Variants in SETX observed in about 807,000 individuals in gnomAD.
SETX encodes helicase senataxin.
Under a neutral mutation model 227.2 loss-of-function variants are expected in SETX, and 90 were observed. The observed-to-expected ratio is 0.40, with a 90% CI of 0.33 to 0.47. The LOEUF (loss-of-function observed/expected upper bound fraction) is 0.47, where lower values mean the gene tolerates loss of function less well. SETX is among the 20% of genes least tolerant of loss of function. The probability of loss-of-function intolerance (pLI) is 0.91; values close to 1 mark genes in which losing one functional copy is unlikely to be tolerated. For synonymous variants in SETX, 1,210 were observed against 1,113.2 expected (o/e 1.09, Z -1.73); for missense variants, 3,052 against 3,181.5 (o/e 0.96, Z 0.98).
rs1345262381 is a variant in SETX, at chr9:132,264,416, C to G, written c.7857G>C (p.Gln2619His). The change falls in exon 26 of 26, where the codon CAG becomes CAC. Residue 2619 changes from glutamine to histidine, a missense_variant. Coordinates refer to ENST00000224140, the MANE Select transcript of SETX (RefSeq NM_015046.7). The stretch of plus-strand genomic sequence containing the variant: ...CCTCTTCCGGGTCATCACATTTGCT[C>G]TGACACGTGGAAGCCTCGGGACTGG... Reference protein sequence around the residue: ...PAASPEASTCQSKCDDPEEEL... With the variant: ...PAASPEASTCHSKCDDPEEEL... 3.1e-6 allele frequency: 5 copies of G among 1,614,132 alleles called. No homozygotes were observed. In the Admixed American group the frequency reaches 8.3e-5, roughly 27 times the overall value.
intron 7 of SETX, among the ~76,000 whole-genome samples, chr9:132,334,083 C>A (rs896704246): frequency 1.3e-5 from 2 of 152,062 alleles, no homozygotes; most frequent in African/African-American, 4.8e-5. Flanking sequence ...CATCCTACCA[C>A]CAACTTTTTC....
At chr9:132,285,236 T>C (rs186808260) in intron 18 of SETX, among the ~76,000 whole-genome samples, 2 of 152,238 alleles carry the variant, frequency 1.3e-5, no homozygotes, top group Non-Finnish European at 2.9e-5. Context: ...TTTTGCAGTT[T>C]ATGGGAAGCA....
At chr9:132,265,033 G>C in intron 25 of SETX, 48 bp from the exon 26 acceptor site, 2 of 1,595,958 alleles carry the variant, frequency 1.3e-6, no homozygotes, top group Non-Finnish European at 1.7e-6. Flanking sequence ...AAGAGACACT[G>C]CTTGGGAAGC....
In SETX at chr9:132,329,490, T is replaced by A. The variant is rs1176841501; in HGVS notation, c.2108A>T (p.Asp703Val). The A allele has an allele frequency of 6.2e-7, 1 of 1,612,472 alleles. No individual in the cohort carries two copies. The highest frequency in any genetic ancestry group is 1.1e-5 in the South Asian group (1 of 90,978). ...CTTCCTTGTACTTATTTTAATTTGA[T>A]CTTCAGCTCTTTCAGTAAAAATGTT... ...SKNIFTERAE[D>V]QIKISTRKQK... Residue 703 changes from aspartate (D) to valine (V), a missense_variant, in exon 10 of 26, where the codon GAT (aspartate) becomes GTT (valine). Coordinates refer to ENST00000224140, the MANE Select transcript of SETX (RefSeq NM_015046.7).
chr9:132,355,770 T>C (rs915425506), upstream of SETX, among the ~76,000 whole-genome samples: 58 of 152,242 alleles, frequency 3.8e-4, no homozygotes, highest in South Asian at 1.9e-3. Flanking sequence ...GTGGATCACC[T>C]GAGGTCAGGA....
chr9:132,263,713 C>T lies in SETX; in HGVS notation c.*526G>A, dbSNP rs1046836164. 6.4e-6 allele frequency: 1 copy of T among 155,908 alleles called. No individual in the cohort carries two copies. The highest frequency in any genetic ancestry group is 2.4e-5 in the African/African-American group (1 of 41,450). 9.7% of individuals were successfully genotyped at this position (155,908 alleles called of 1,614,324 possible). A position where few individuals can be genotyped will look rare whatever the true frequency, so the allele number is the denominator to read the frequency against. ...TTTTAATAGAGCCAGAGACACCTGA[C>T]CCACCAGCACTAACTCAGCTTATTC... On this transcript the variant is annotated 3_prime_UTR_variant, in exon 26 of 26. Transcript: ENST00000224140.
intron 5 of SETX, among the ~76,000 whole-genome samples, chr9:132,339,190 A>T (rs908997838): frequency 2.6e-5 from 4 of 152,158 alleles, no homozygotes; most frequent in Admixed American, 2.6e-4. Context: ...GTTTCTATAA[A>T]ACCCTTCCTC....
chr9:132,314,002 G>A (rs149035851), intron 10 of SETX, among the ~76,000 whole-genome samples: 11 of 151,798 alleles, frequency 7.2e-5, no homozygotes, highest in East Asian at 1.9e-4. Context: ...CACCATTTCC[G>A]CTCACTGCAA....
At position 132,326,695 on chromosome 9, in the gene SETX, A is replaced by T. The variant is rs1466879487; in HGVS notation, c.4903T>A (p.Leu1635Met). 3 of 1,614,076 alleles carry T rather than the reference A, an allele frequency of 1.9e-6. No homozygotes were observed. The highest frequency in any genetic ancestry group is 2.5e-6 in the Non-Finnish European group (3 of 1,180,014). The change falls in exon 10 of 26, where the codon TTG becomes ATG. Residue 1635 changes from leucine to methionine, a missense_variant. Leu to Met is a conservative substitution (Grantham distance 15). Around this residue, in one of 10 missense-constraint regions of SETX, gnomAD observed 1,483 missense variants for 1,312.0 expected, o/e 1.13. Coordinates refer to ENST00000224140, the MANE Select transcript of SETX (RefSeq NM_015046.7). ...KNKSKGIQSI[L>M]KVPQPVPLIA... Reference sequence around the variant, plus strand: ...AGGGGAACTGGCTGTGGTACTTTCAAAATCGACTGTATCCCCTTTGACTTA... The same window carrying T: ...AGGGGAACTGGCTGTGGTACTTTCATAATCGACTGTATCCCCTTTGACTTA...
intron 19 of SETX, 94 bp downstream of exon 19, chr9:132,283,170 A>AAAAC: frequency 6.5e-7 from 1 of 1,533,698 alleles, no homozygotes. Context: ...CAAAAAAAAA[A>AAAAC]AACACATTTC....
intron 25 of SETX, 71 bp from the exon 26 acceptor site, chr9:132,265,056 C>T: frequency 6.4e-7 from 1 of 1,558,666 alleles, no homozygotes; most frequent in Non-Finnish European, 8.8e-7. Flanking sequence ...AGAGTTCCAG[C>T]TTTCATTTCT....
chr9:132,272,740 C>T (rs1026334823), intron 23 of SETX, among the ~76,000 whole-genome samples: 2 of 152,236 alleles, frequency 1.3e-5, no homozygotes, highest in African/African-American at 2.4e-5. Flanking sequence ...AATGGAATTA[C>T]AAAATGTGAT....
chr9:132,330,652 A>G (rs1847166822), intron 9 of SETX, among the ~76,000 whole-genome samples, 153 bp from the exon 10 acceptor site: 1 of 152,214 alleles, frequency 6.6e-6, no homozygotes, highest in Non-Finnish European at 1.5e-5. Context: ...TGTGGCATAT[A>G]ATTATATCAC....
At chr9:132,308,145 C>T (rs1845441081) in intron 11 of SETX, among the ~76,000 whole-genome samples, 1 of 152,146 alleles carries the variant, frequency 6.6e-6, no homozygotes, top group Admixed American at 6.6e-5. Flanking sequence ...CATTTTGCTC[C>T]CTTTAATGAA....
chr9:132,333,416 T>TATACACAC (rs779955041), intron 7 of SETX, among the ~76,000 whole-genome samples: 2 of 88,074 alleles, frequency 2.3e-5, no homozygotes, highest in African/African-American at 1.0e-4. Flanking sequence ...AAAATATATA[T>TATACACAC]ACACACACAC....
At chr9:132,307,549 T>C (rs1666027878) in intron 11 of SETX, among the ~76,000 whole-genome samples, 1 of 152,150 alleles carries the variant, frequency 6.6e-6, no homozygotes, top group Admixed American at 6.6e-5. Context: ...TTGGAACATC[T>C]TGTCATAGCA....
At chr9:132,336,958 T>C (rs1388774707) in intron 5 of SETX, among the ~76,000 whole-genome samples, 3 of 152,092 alleles carry the variant, frequency 2.0e-5, no homozygotes, top group African/African-American at 7.2e-5. Context: ...CCCAGCTACT[T>C]GGGAGGCTGA....
At position 132,264,825 on chromosome 9, in the gene SETX, C is replaced by T; in HGVS notation, c.7448G>A (p.Gly2483Glu). ...LTHPPTIAPE[G>E]SRPQGGLPSS... The stretch of plus-strand genomic sequence containing the variant: ...GGGCAAACCACCCTGGGGTCTGGAC[C>T]CCTCTGGGGCTATGGTAGGAGGGTG... The change falls in exon 26 of 26, where the codon GGG becomes GAG. Residue 2483 changes from glycine (G) to glutamate (E), a missense_variant. Physicochemically the swap from Gly to Glu is moderately conservative, Grantham distance 98. This residue lies in a region of SETX where 294 missense variants were observed against 278.8 expected (regional missense o/e 1.05). Coordinates refer to ENST00000224140, the MANE Select transcript of SETX (RefSeq NM_015046.7). 2 of 1,614,150 alleles carry T rather than the reference C, an allele frequency of 1.2e-6. No individual in the cohort carries two copies. The highest frequency in any genetic ancestry group is 1.7e-6 in the Non-Finnish European group (2 of 1,180,036).
chr9:132,286,318 T>A, intron 18 of SETX, 105 bp downstream of exon 18: 3 of 847,930 alleles, frequency 3.5e-6, no homozygotes, highest in Non-Finnish European at 3.7e-6. Context: ...AGACTCTGTC[T>A]CCAAAATAAA....
Sources: gnomAD v4.1 joint callset for allele counts (sites outside exome capture counted in the v4.1 genomes callset) on GRCh38, gnomAD v4.1.1 for gene constraint, gnomAD v4.1.1 regional missense constraint, MANE v1.5 for transcripts, NCBI Gene and HGNC (gene_info 2026-07-23, HGNC 2026-07-21) for gene names.